Variants in TUSC3 observed in about 807,000 individuals in gnomAD.
TUSC3 encodes dolichyl-diphosphooligosaccharide--protein glycosyltransferase subunit TUSC3.
A neutral mutation model predicts 44.8 loss-of-function variants in TUSC3; 45 were observed. The observed-to-expected ratio is 1.00, with a 90% CI of 0.79 to 1.29. TUSC3 has a LOEUF of 1.29. TUSC3 is among the 50% of genes most tolerant of loss of function. The pLI is 0.00. For missense variants in TUSC3, 519 were observed against 437.9 expected (o/e 1.19, Z -1.65); for synonymous variants, 212 against 152.9 (o/e 1.39, Z -2.85).
At position 15,508,912 on chromosome 8, in the gene TUSC3, T is replaced by C. The variant is rs568057749; in HGVS notation, n.189+25429T>C. On this transcript the variant is annotated intron_variant and non_coding_transcript_variant, in intron 2 of 5. Transcript: ENST00000503191. ...TTCCATGTAGGGTTGGCATTATTACTGTCTCCAGTTTACCAAATAGGAATT... is the reference window on the plus strand; with the variant it reads ...TTCCATGTAGGGTTGGCATTATTACCGTCTCCAGTTTACCAAATAGGAATT... 4.6e-5 allele frequency among the ~76,000 whole-genome samples: 7 copies of C among 152,336 alleles called. No homozygotes were observed. In the East Asian group the frequency reaches 1.2e-3, roughly 25 times the overall value.
At chr8:15,420,653 C>G (rs1445416228) in intron 1 of TUSC3, among the ~76,000 whole-genome samples, 2 of 152,078 alleles carry the variant, frequency 1.3e-5, no homozygotes, top group African/African-American at 4.8e-5. Flanking sequence ...TTCCTCCCTT[C>G]TCTCTCAAAC....
intron 10 of TUSC3, among the ~76,000 whole-genome samples, chr8:15,760,819 A>G (rs1307360959): frequency 6.6e-6 from 1 of 152,210 alleles, no homozygotes; most frequent in Non-Finnish European, 1.5e-5. Context: ...CATGCTGAAC[A>G]CAGCACTGAA....
At chr8:15,775,701 T>C in the TUSC3 span, among the ~76,000 whole-genome samples, 2 of 146,000 alleles carry the variant, frequency 1.4e-5, no homozygotes, top group Non-Finnish European at 3.0e-5. Context: ...CACACACACA[T>C]ATATACATAT....
intron 8 of TUSC3, 90 bp from the exon 9 acceptor site, chr8:15,748,285 T>G: frequency 1.1e-6 from 1 of 949,378 alleles, no homozygotes; most frequent in South Asian, 1.3e-5. Flanking sequence ...AATGTAAGTA[T>G]ACTGTAATTG....
chr8:15,590,495 A>G (rs1278852851), intron 1 of TUSC3, among the ~76,000 whole-genome samples: 1 of 152,062 alleles, frequency 6.6e-6, no homozygotes, highest in Non-Finnish European at 1.5e-5. Flanking sequence ...TTTCTTGCCA[A>G]TTCCCCCATT....
chr8:15,626,861 G>T (rs1805532828), intron 2 of TUSC3, among the ~76,000 whole-genome samples: 1 of 152,200 alleles, frequency 6.6e-6, no homozygotes, highest in Non-Finnish European at 1.5e-5. Context: ...GTTTTGGCCT[G>T]CAGGTGCCCC....
chr8:15,699,915 A>T (rs1809324011), intron 6 of TUSC3, among the ~76,000 whole-genome samples: 2 of 152,194 alleles, frequency 1.3e-5, no homozygotes, highest in Admixed American at 6.5e-5. Context: ...CCTCTATATA[A>T]TGTCTTGCTA....
intron 2 of TUSC3, among the ~76,000 whole-genome samples, chr8:15,515,964 G>A (rs924520390): frequency 1.1e-4 from 16 of 152,104 alleles, no homozygotes; most frequent in South Asian, 2.1e-4. Flanking sequence ...CCACCATGCC[G>A]GGCCCCAAAA....
At chr8:15,680,316 G>C (rs13277232) in intron 6 of TUSC3, among the ~76,000 whole-genome samples, 1 of 151,564 alleles carries the variant, frequency 6.6e-6, no homozygotes, top group African/African-American at 2.4e-5. Context: ...GGTTACATGT[G>C]TGCCTAGGTA....
At chr8:15,454,983 A>G (rs1017403986) in intron 1 of TUSC3, among the ~76,000 whole-genome samples, 17 of 152,198 alleles carry the variant, frequency 1.1e-4, no homozygotes, top group African/African-American at 3.9e-4. Context: ...AATTAGAGGC[A>G]AAAGACCAAG....
chr8:15,588,707 T>A (rs1353707533), intron 1 of TUSC3, among the ~76,000 whole-genome samples: 1 of 152,164 alleles, frequency 6.6e-6, no homozygotes, highest in African/African-American at 2.4e-5. Flanking sequence ...CTTAAGTCAT[T>A]ATATTTTGAG....
intron 1 of TUSC3, among the ~76,000 whole-genome samples, chr8:15,454,093 C>T (rs537623782): frequency 6.6e-6 from 1 of 152,302 alleles, no homozygotes; most frequent in South Asian, 2.1e-4. Flanking sequence ...CTCCCAAGTG[C>T]TGGCAGGCCA....
intron 1 of TUSC3, among the ~76,000 whole-genome samples, chr8:15,617,486 C>T (rs1201595283): frequency 1.3e-5 from 2 of 152,066 alleles, no homozygotes; most frequent in African/African-American, 4.8e-5. Context: ...CCTCCAACTC[C>T]TGTCCAACGT....
the TUSC3 span, among the ~76,000 whole-genome samples, chr8:15,832,080 A>G: frequency 0.18 from 27,284 of 152,146 alleles, 3,299 homozygotes; most frequent in African/African-American, 0.34. Context: ...AGCCCATCAG[A>G]CTAACAGTGG....
chr8:15,530,053 G>A (rs1156684659), intron 2 of TUSC3, among the ~76,000 whole-genome samples: 3 of 133,288 alleles, frequency 2.3e-5, no homozygotes, highest in African/African-American at 3.3e-5. Context: ...CCAAAGTGCT[G>A]GGATTACAGG....
chr8:15,705,939 A>G (rs527474524), intron 6 of TUSC3, among the ~76,000 whole-genome samples: 1 of 152,118 alleles, frequency 6.6e-6, no homozygotes, highest in South Asian at 2.1e-4. Flanking sequence ...TCCATTTTAC[A>G]TACTTGTTTT....
chr8:15,608,569 C>T (rs1563131308), intron 1 of TUSC3, among the ~76,000 whole-genome samples: 1 of 152,104 alleles, frequency 6.6e-6, no homozygotes, highest in Admixed American at 6.6e-5. Flanking sequence ...TTGTAATTCC[C>T]ATGTGTCACG....
At chr8:15,610,791 G>A (rs983723964) in intron 1 of TUSC3, among the ~76,000 whole-genome samples, 2 of 152,218 alleles carry the variant, frequency 1.3e-5, no homozygotes, top group African/African-American at 4.8e-5. Flanking sequence ...GGTATAGGGA[G>A]GGCTTGAGGG....
At chr8:15,673,075 C>T (rs1363120517) in intron 5 of TUSC3, among the ~76,000 whole-genome samples, 1 of 152,058 alleles carries the variant, frequency 6.6e-6, no homozygotes, top group Non-Finnish European at 1.5e-5. Context: ...ACTGATTGAA[C>T]TGTGACTTCT....
Sources: allele counts gnomAD v4.1 joint callset (sites outside exome capture counted in the v4.1 genomes callset), GRCh38; gene constraint gnomAD v4.1.1; transcripts MANE v1.5; gene names NCBI Gene and HGNC (gene_info 2026-07-23, HGNC 2026-07-21).